The following SLCO3A1 variants were observed in gnomAD, a reference collection of about 807,000 sequenced individuals.
SLCO3A1 encodes solute carrier organic anion transporter family member 3A1.
In SLCO3A1, 27 loss-of-function variants were observed where a neutral mutation model predicts 63.1. That is an observed-to-expected ratio of 0.43 (90% CI 0.32 to 0.59). The LOEUF is 0.59. Among genes scored for constraint, SLCO3A1 ranks in the 20% least tolerant of loss-of-function variants. The probability of loss-of-function intolerance (pLI) is 0.09; values close to 1 mark genes in which losing one functional copy is unlikely to be tolerated. For missense variants in SLCO3A1, 773 were observed against 945.8 expected (o/e 0.82, Z 2.40); for synonymous variants, 473 against 409.9 (o/e 1.15, Z -1.86).
chr15:91,899,466 A>G (rs375033152), intron 1 of SLCO3A1, among the ~76,000 whole-genome samples: 1 of 152,100 alleles, frequency 6.6e-6, no homozygotes, highest in Non-Finnish European at 1.5e-5. Context: ...TATTTACTCT[A>G]TAAGATGTAT....
rs978796198 is a variant in SLCO3A1 at position 92,098,367 on chromosome 15, C to T, written c.745+3388C>T. 12 of 152,290 alleles carry T rather than the reference C, an allele frequency of 7.9e-5. 1 individual carries two copies. Among genetic ancestry groups the T allele is most frequent in the Admixed American group, 3.9e-4 (6 of 15,282 alleles). The allele number at this position is 152,290 out of a possible 1,614,324, so 9.4% of individuals were successfully genotyped here. ...GCTGCTCCCGCTGCTGCCTTTCATC[C>T]ATGTTTGATCGCTACGTGGTTCCCT... is the stretch of plus-strand genomic sequence containing the variant. On this transcript the variant is annotated intron_variant, in intron 3 of 9. Coordinates refer to ENST00000318445, the MANE Select transcript of SLCO3A1 (RefSeq NM_013272.4).
chr15:92,053,895 C>A (rs2046991371), intron 2 of SLCO3A1, among the ~76,000 whole-genome samples: 2 of 151,916 alleles, frequency 1.3e-5, no homozygotes, highest in Non-Finnish European at 2.9e-5. Flanking sequence ...TCTTTGTCTG[C>A]TGTTTGGCAG....
chr15:92,150,754 C>A (rs1157924163), intron 8 of SLCO3A1, among the ~76,000 whole-genome samples, 196 bp from the exon 9 acceptor site: 1 of 151,106 alleles, frequency 6.6e-6, no homozygotes, highest in Non-Finnish European at 1.5e-5. Flanking sequence ...CTTATCTTGG[C>A]ACCACAGTTG....
intron 7 of SLCO3A1, among the ~76,000 whole-genome samples, chr15:92,137,021 A>G (rs372179894): frequency 0.036 from 5,136 of 140,840 alleles, 320 homozygotes; most frequent in African/African-American, 0.13. Flanking sequence ...TGTGCACATT[A>G]TGCAGGTTAG....
chr15:91,881,704 G>A (rs564013325), intron 1 of SLCO3A1, among the ~76,000 whole-genome samples: 12 of 152,222 alleles, frequency 7.9e-5, no homozygotes, highest in African/African-American at 2.2e-4. Flanking sequence ...TCTTTCTGTC[G>A]GAGCTCAGTG....
At chr15:91,902,783 T>G (rs1053883644) in intron 1 of SLCO3A1, among the ~76,000 whole-genome samples, 1 of 152,172 alleles carries the variant, frequency 6.6e-6, no homozygotes, top group Middle Eastern at 3.2e-3. Context: ...ATGGGGCAGA[T>G]AAAGTGTGGA....
At chr15:91,855,392 G>C (rs865923657) in intron 1 of SLCO3A1, among the ~76,000 whole-genome samples, 1 of 152,212 alleles carries the variant, frequency 6.6e-6, no homozygotes, top group Admixed American at 6.5e-5. Flanking sequence ...ACTCAGCTCT[G>C]TTCCTGGGGT....
chr15:91,985,095 C>T (rs1235135513), intron 2 of SLCO3A1, among the ~76,000 whole-genome samples: 1 of 152,164 alleles, frequency 6.6e-6, no homozygotes, highest in Non-Finnish European at 1.5e-5. Context: ...CCCAAAGCCC[C>T]CATCGTGGCT....
In SLCO3A1 at chr15:91,862,278, C is replaced by G. The variant is rs145432652; in HGVS notation, c.180+8190C>G. ...AAGCAATTCTCCTGCCTCAGCCTCC[C>G]CAGTAGCTGGGACTACAGGCGCGTA... On this transcript the variant is annotated intron_variant, in intron 1 of 9. Transcript: ENST00000318445. The surrounding 1 kb of genome is among the most constrained non-coding windows in gnomAD (Gnocchi z 4.0). Among the ~76,000 whole-genome samples, 1 of 152,060 alleles carries G rather than the reference C, an allele frequency of 6.6e-6. No individual in the cohort carries two copies. Among genetic ancestry groups the G allele is most frequent in the Admixed American group, 6.6e-5 (1 of 15,264 alleles).
chr15:91,963,419 G>GGC (rs1555418603), intron 2 of SLCO3A1, among the ~76,000 whole-genome samples: 79 of 115,608 alleles, frequency 6.8e-4, no homozygotes, highest in African/African-American at 2.5e-3. Context: ...GGGGGGGGGG[G>GGC]GCGGCAGCAG....
At chr15:91,906,507 G>T (rs1365586148) in intron 1 of SLCO3A1, among the ~76,000 whole-genome samples, 1 of 152,166 alleles carries the variant, frequency 6.6e-6, no homozygotes, top group Non-Finnish European at 1.5e-5. Context: ...GGGCCCTAGG[G>T]CATATAAAGA....
chr15:92,126,907 A>G (rs1596124375), intron 6 of SLCO3A1, among the ~76,000 whole-genome samples: 1 of 152,186 alleles, frequency 6.6e-6, no homozygotes, highest in African/African-American at 2.4e-5. Flanking sequence ...TTGGAAATCC[A>G]GCCTGGAGCA....
At position 91,941,573 on chromosome 15, in the gene SLCO3A1, C is replaced by T. The variant is rs4932519; in HGVS notation, c.646+25115C>T. The T allele has an allele frequency of 3.9e-3, 1,800 of 455,984 alleles. 6 individuals are homozygous for T. The highest frequency in any genetic ancestry group is 6.5e-3 in the Non-Finnish European group (1,475 of 226,760). 28.2% of individuals were successfully genotyped at this position (455,984 alleles called of 1,614,324 possible). On this transcript the variant is annotated intron_variant, in intron 2 of 9. Coordinates refer to ENST00000318445, the MANE Select transcript of SLCO3A1 (RefSeq NM_013272.4). This position sits in a 1 kb window ranked among gnomAD's most constrained non-coding sequence, Gnocchi z 4.4. ...TTAGATGAACCAGAGGTTTATTTCA[C>T]TCAGTAAGTAATCTTTTCTCTTCCT...
intron 1 of SLCO3A1, among the ~76,000 whole-genome samples, chr15:91,867,815 G>A (rs987735749): frequency 7.9e-5 from 12 of 152,144 alleles, no homozygotes; most frequent in South Asian, 2.1e-4. Flanking sequence ...CGGAGGCCCC[G>A]GGTGTTCTGG....
intron 2 of SLCO3A1, among the ~76,000 whole-genome samples, chr15:91,946,973 A>G (rs1899828423): frequency 6.6e-6 from 1 of 152,210 alleles, no homozygotes; most frequent in African/African-American, 2.4e-5. Flanking sequence ...CCAAGACAGG[A>G]TGAGTCAATG....
intron 2 of SLCO3A1, among the ~76,000 whole-genome samples, chr15:91,922,192 G>GCACACACA (rs1555449774): frequency 3.6e-5 from 2 of 55,234 alleles, no homozygotes; most frequent in Non-Finnish European, 8.3e-5. Context: ...ACACGCGCGT[G>GCACACACA]CACGCACACA....
At chr15:92,094,762 G>T in intron 2 of SLCO3A1, 119 bp from the exon 3 acceptor site, 1 of 649,296 alleles carries the variant, frequency 1.5e-6, no homozygotes. Flanking sequence ...AGGATTTTTA[G>T]ATGAATTCCT....
intron 9 of SLCO3A1, among the ~76,000 whole-genome samples, chr15:92,160,464 C>T (rs946138735): frequency 6.6e-6 from 1 of 152,008 alleles, no homozygotes; most frequent in Admixed American, 6.6e-5. Context: ...ACCTGGGCAG[C>T]CTTTGGGATC....
At chr15:92,027,105 AGGG>A (rs1196702365) in intron 2 of SLCO3A1, among the ~76,000 whole-genome samples, 2 of 142,560 alleles carry the variant, frequency 1.4e-5, no homozygotes, top group African/African-American at 5.2e-5. Flanking sequence ...AAAAAAAAAA[AGGG>A]GGGGTACATT....
Sources: allele counts gnomAD v4.1 joint callset (sites outside exome capture counted in the v4.1 genomes callset), GRCh38; gene constraint gnomAD v4.1.1; non-coding constraint Gnocchi (gnomAD v3.1); transcripts MANE v1.5; gene names NCBI Gene and HGNC (gene_info 2026-07-23, HGNC 2026-07-21).